Variants in PRKG1 observed in about 807,000 individuals in gnomAD.
PRKG1 encodes cGMP-dependent protein kinase 1.
In PRKG1, 35 loss-of-function variants were observed where a neutral mutation model predicts 88.1. The ratio of observed to expected loss-of-function variants is 0.40; its 90% CI spans 0.30 to 0.53. PRKG1 has a LOEUF of 0.53. Among genes scored for constraint, PRKG1 ranks in the 20% least tolerant of loss-of-function variants. The pLI, the probability that PRKG1 is intolerant of heterozygous loss-of-function variation, is 0.59. For missense variants in PRKG1, 540 were observed against 839.8 expected (o/e 0.64, Z 4.41); for synonymous variants, 303 against 292.5 (o/e 1.04, Z -0.37).
At chr10:51,604,348 G>A (rs1025585187) in intron 3 of PRKG1, among the ~76,000 whole-genome samples, 4 of 151,822 alleles carry the variant, frequency 2.6e-5, no homozygotes, top group African/African-American at 9.7e-5. Context: ...CTCATTTTTT[G>A]AACCATTTAA....
At chr10:51,963,494 C>A (rs1171670747) in intron 5 of PRKG1, among the ~76,000 whole-genome samples, 1 of 152,004 alleles carries the variant, frequency 6.6e-6, no homozygotes, top group Non-Finnish European at 1.5e-5. Flanking sequence ...GAGTCTTGCT[C>A]TGTCACCCAG....
At chr10:51,452,747 G>A (rs1300589180) in intron 2 of PRKG1, among the ~76,000 whole-genome samples, 9 of 151,842 alleles carry the variant, frequency 5.9e-5, no homozygotes. Flanking sequence ...TTGGTCTGTA[G>A]TTTTATGTTT....
chr10:51,908,639 G>A (rs914439583), intron 5 of PRKG1: 12 of 151,598 alleles, frequency 7.9e-5, no homozygotes, highest in Non-Finnish European at 1.6e-4. Context: ...GGGAACAATA[G>A]TGGTGACTTT....
chr10:51,279,182 A>G (rs1840220017), intron 2 of PRKG1, among the ~76,000 whole-genome samples: 1 of 152,194 alleles, frequency 6.6e-6, no homozygotes, highest in East Asian at 1.9e-4. Context: ...CTCAAAGAAC[A>G]TCTTTATTTC....
intron 1 of PRKG1, among the ~76,000 whole-genome samples, chr10:51,012,436 T>G (rs1197035951): frequency 3.3e-5 from 5 of 152,192 alleles, no homozygotes; most frequent in Non-Finnish European, 5.9e-5. Flanking sequence ...AGCATCATAT[T>G]AAGTAGTCAT....
chr10:52,271,306 C>A (rs370753004), intron 10 of PRKG1, 44 bp from the exon 11 acceptor site: 20 of 1,592,522 alleles, frequency 1.3e-5, no homozygotes, highest in Non-Finnish European at 1.5e-5. Flanking sequence ...TGCACTCTTA[C>A]AAGTCTATGG....
At chr10:50,997,113 C>A (rs1490215959) in intron 1 of PRKG1, among the ~76,000 whole-genome samples, 2 of 152,146 alleles carry the variant, frequency 1.3e-5, no homozygotes, top group African/African-American at 4.8e-5. Context: ...TGAGCAAATC[C>A]TCGTGGAAGT....
At chr10:51,199,735 A>G (rs1196964249) in intron 2 of PRKG1, among the ~76,000 whole-genome samples, 2 of 152,162 alleles carry the variant, frequency 1.3e-5, no homozygotes, top group Non-Finnish European at 2.9e-5. Flanking sequence ...GCTCATCTCA[A>G]GGCAGCCTCC....
Position 51,074,661 on chromosome 10 carries a change from T to C in PRKG1, c.71T>C (p.Leu24Pro). 6.2e-7 allele frequency: 1 copy of C among 1,614,058 alleles called. No homozygotes were observed. The highest frequency in any genetic ancestry group is 8.5e-7 in the Non-Finnish European group (1 of 1,179,974). ...GAGGAGCTGAGGCAGCGGGATGCTCTCATCGACGAGCTGGAGCTGGAGTTG... is the reference window on the plus strand; with the variant it reads ...GAGGAGCTGAGGCAGCGGGATGCTCCCATCGACGAGCTGGAGCTGGAGTTG... ...KIEELRQRDA[L>P]IDELELELDQ... The change falls in exon 1 of 18, where the codon CTC becomes CCC. Residue 24 changes from leucine (L) to proline (P), a missense_variant. Around this residue, in one of 5 missense-constraint regions of PRKG1, gnomAD observed 15 missense variants for 30.1 expected, o/e 0.50. Transcript: ENST00000373980.
At chr10:52,024,319 T>TTTGG (rs140237388) in intron 5 of PRKG1, among the ~76,000 whole-genome samples, 2 of 139,602 alleles carry the variant, frequency 1.4e-5, no homozygotes, top group African/African-American at 3.0e-5. Flanking sequence ...TTATTTAACT[T>TTTGG]TTTTTTTTAT....
chr10:51,542,114 A>T (rs1022529671), intron 3 of PRKG1, among the ~76,000 whole-genome samples: 1 of 152,068 alleles, frequency 6.6e-6, no homozygotes, highest in Non-Finnish European at 1.5e-5. Flanking sequence ...GTGAGATCTG[A>T]CCTACCGAGA....
rs117841695 is a variant in PRKG1, at chr10:51,435,215, C to G, written c.479-32508C>G. 1.5e-3 allele frequency among the ~76,000 whole-genome samples: 233 copies of G among 152,080 alleles called. 1 individual carries two copies. The highest frequency in any genetic ancestry group is 2.4e-3 in the Non-Finnish European group (166 of 67,970). Reference sequence around the variant, plus strand: ...AGCTCTGGCATGACAAATTGATAAACATTTTTGGCTTGTAATGGCATTATG... The same window carrying G: ...AGCTCTGGCATGACAAATTGATAAAGATTTTTGGCTTGTAATGGCATTATG... On this transcript the variant is annotated intron_variant, in intron 2 of 17. Coordinates refer to ENST00000373980, the MANE Select transcript of PRKG1 (RefSeq NM_006258.4).
chr10:51,753,838 G>A (rs1401823960), intron 3 of PRKG1, among the ~76,000 whole-genome samples: 1 of 152,136 alleles, frequency 6.6e-6, no homozygotes, highest in Non-Finnish European at 1.5e-5. Context: ...CCTCTGAGTT[G>A]CTACCAAAAC....
intron 9 of PRKG1, among the ~76,000 whole-genome samples, chr10:52,205,578 C>G (rs897144441): frequency 1.3e-5 from 2 of 152,108 alleles, no homozygotes; most frequent in African/African-American, 4.8e-5. Context: ...TTAGCATTTC[C>G]TTAAGAACCT....
intron 4 of PRKG1, among the ~76,000 whole-genome samples, chr10:51,808,873 G>A (rs1031548048): frequency 4.6e-5 from 7 of 152,034 alleles, no homozygotes; most frequent in East Asian, 1.9e-4. Context: ...AGTTCTTTTC[G>A]GTAGGGGTCT....
intron 2 of PRKG1, among the ~76,000 whole-genome samples, chr10:51,357,941 A>C (rs1842401132): frequency 1.3e-5 from 2 of 151,990 alleles, no homozygotes; most frequent in South Asian, 4.1e-4. Flanking sequence ...ATTTTATTTT[A>C]CATATTAGGG....
At chr10:52,244,068 A>G (rs1297192354) in intron 9 of PRKG1, among the ~76,000 whole-genome samples, 3 of 152,100 alleles carry the variant, frequency 2.0e-5, no homozygotes, top group African/African-American at 7.2e-5. Context: ...TCATTAAATT[A>G]CTTTTACACT....
chr10:52,291,822 C>T (rs10824337), intron 17 of PRKG1, among the ~76,000 whole-genome samples: 71,942 of 151,124 alleles, frequency 0.48, 18,936 homozygotes, highest in Non-Finnish European at 0.6. Flanking sequence ...CCTGAGGAAT[C>T]GCCACACTGA....
At chr10:52,062,751 G>C in intron 7 of PRKG1, 120 bp downstream of exon 7, 1 of 757,640 alleles carries the variant, frequency 1.3e-6, no homozygotes, top group Non-Finnish European at 2.4e-6. Flanking sequence ...ATCAAATATG[G>C]ACCCTTGATG....
Sources: gnomAD v4.1 joint callset for allele counts (sites outside exome capture counted in the v4.1 genomes callset) on GRCh38, gnomAD v4.1.1 for gene constraint, gnomAD v4.1.1 regional missense constraint, MANE v1.5 for transcripts, NCBI Gene and HGNC (gene_info 2026-07-23, HGNC 2026-07-21) for gene names.